KEL: variants seen among roughly 807,000 people sequenced by gnomAD.
The protein encoded by KEL is kell blood group glycoprotein.
A neutral mutation model predicts 99.5 loss-of-function variants in KEL; 96 were observed. The observed-to-expected ratio is 0.97, with a 90% confidence interval of 0.82 to 1.14. The LOEUF (loss-of-function observed/expected upper bound fraction) is 1.14. Among genes scored for constraint, KEL ranks in the 50% most tolerant of loss-of-function variants. The pLI, the probability that KEL is intolerant of heterozygous loss-of-function variation, is 0.00. For missense variants in KEL, 926 were observed against 924.2 expected (o/e 1.00, Z -0.03); for synonymous variants, 355 against 354.8 (o/e 1.00, Z -0.01).
At chr7:142,943,634 C>T (rs747763862) in intron 14 of KEL, 38 bp from the exon 15 acceptor site, 65 of 1,494,842 alleles carry the variant, frequency 4.3e-5, no homozygotes, top group Non-Finnish European at 5.7e-5. Context: ...GCCCCCACCA[C>T]GTATTGCCCT....
At chr7:142,948,528 G>A (rs1018763393) in intron 10 of KEL, among the ~76,000 whole-genome samples, 1 of 152,138 alleles carries the variant, frequency 6.6e-6, no homozygotes, top group Non-Finnish European at 1.5e-5. Flanking sequence ...TAGGGATTAC[G>A]AGCCAACCAG....
chr7:142,949,754 A>G (rs931962863), intron 10 of KEL, among the ~76,000 whole-genome samples: 3 of 152,232 alleles, frequency 2.0e-5, no homozygotes, highest in African/African-American at 7.2e-5. Flanking sequence ...GATACACTGA[A>G]TAAAATTGCA....
rs752599863 is a variant in KEL, at chr7:142,942,455, G to A, written c.2016C>T (p.Ile672=). ...CTACCTGGGCATAGCTTCGAAAGAA[G>A]ATCTGCTGGGGGCTGAGGTCCAGGC... The part of the protein sequence containing the change: ...LPSLDLSPQQ[I]FFRSYAQVMC... The change falls in exon 18 of 19, where the codon ATC becomes ATT. Residue 672 remains isoleucine (I), a synonymous_variant. Transcript: ENST00000355265. 2 of 1,603,712 alleles carry A rather than the reference G, an allele frequency of 1.2e-6. No homozygotes were observed. Among genetic ancestry groups the A allele is most frequent in the South Asian group, 1.1e-5 (1 of 88,994 alleles).
rs775468724 is a variant in KEL, at chr7:142,952,492, C to A, written c.1203+17G>T. The A allele has an allele frequency of 1.9e-6, 3 of 1,613,220 alleles. No individual in the cohort carries two copies. The highest frequency in any genetic ancestry group is 2.5e-6 in the Non-Finnish European group (3 of 1,180,014). On this transcript the variant is annotated intron_variant, in intron 10 of 18. Coordinates refer to ENST00000355265, the MANE Select transcript of KEL (RefSeq NM_000420.3). Reference sequence around the variant, plus strand: ...CCTTTCGAGTATCTGGGCAAATACACCCGCTCCTCTCCTCACCATGGGTGG... The same window carrying A: ...CCTTTCGAGTATCTGGGCAAATACAACCGCTCCTCTCCTCACCATGGGTGG...
chr7:142,947,596 G>C (rs893519365), intron 10 of KEL, among the ~76,000 whole-genome samples: 1 of 152,126 alleles, frequency 6.6e-6, no homozygotes, highest in African/African-American at 2.4e-5. Context: ...TGTGACCCAG[G>C]CTGGAGTGCA....
intron 18 of KEL, 108 bp downstream of exon 18, chr7:142,942,326 G>A (rs1796380614): frequency 1.3e-6 from 1 of 759,366 alleles, no homozygotes; most frequent in Non-Finnish European, 2.3e-6. Flanking sequence ...GCAGAAGAGG[G>A]TTTGGGGTAT....
rs1376435601 is a variant in KEL, at chr7:142,961,099, AG to A, written c.228del (p.Cys77ValfsTer112). The A allele has an allele frequency of 6.2e-7, 1 of 1,613,578 alleles. No homozygotes were observed. The highest frequency in any genetic ancestry group is 8.5e-7 in the Non-Finnish European group (1 of 1,180,048). ...AGATCCAAACACACAGATGTCTCACAGGGGCCTGTGGGGAAAAGCTCAGAGC... is the reference window on the plus strand; with the variant it reads ...AGATCCAAACACACAGATGTCTCACAGGGCCTGTGGGGAAAAGCTCAGAGC... ...FYNFQNCGPR[P>X]CETSVCLDLR... On this transcript the variant is annotated frameshift_variant, in exon 4 of 19. Transcript: ENST00000355265. LOFTEE classifies it high-confidence loss of function.
intron 18 of KEL, among the ~76,000 whole-genome samples, chr7:142,941,870 A>T (rs928752589): frequency 6.7e-6 from 1 of 149,858 alleles, no homozygotes; most frequent in African/African-American, 2.5e-5. Context: ...GTGCAGTGGC[A>T]TGATCTTGGC....
chr7:142,946,840 G>T (rs761284631), intron 10 of KEL, among the ~76,000 whole-genome samples: 6 of 152,218 alleles, frequency 3.9e-5, no homozygotes, highest in Non-Finnish European at 8.8e-5. Context: ...AATTATCAGA[G>T]TAGAACTGGG....
rs61729036 is a variant in KEL at position 142,954,266 on chromosome 7, C to T, written c.842G>A (p.Arg281Gln). 59 of 1,613,874 alleles carry T rather than the reference C, an allele frequency of 3.7e-5. No individual in the cohort carries two copies. The East Asian group carries it at 7.6e-4, about 21-fold the overall frequency. The change falls in exon 8 of 19, where the codon CGG becomes CAG. Residue 281 changes from arginine to glutamine, a missense_variant. By Grantham distance (43) the Arg-to-Gln change is conservative (BLOSUM62 1). Transcript: ENST00000355265. ...CAGGGGCCTCAGAAACTGGAACAGC[C>T]GTGAAGTGATGGAGATTGACAAGGA... ...HSSLSISITS[R>Q]LFQFLRPLEQ...
chr7:142,952,739 G>A, intron 9 of KEL, 101 bp from the exon 10 acceptor site: 2 of 1,332,934 alleles, frequency 1.5e-6, no homozygotes, highest in Non-Finnish European at 2.1e-6. Context: ...CGTGAAGGCA[G>A]CTCCTTCTCC....
intron 11 of KEL, among the ~76,000 whole-genome samples, chr7:142,945,632 C>CTT (rs35052637): frequency 0.092 from 13,311 of 144,838 alleles, 933 homozygotes; most frequent in African/African-American, 0.21. Flanking sequence ...TTCAATTTTC[C>CTT]TTTTTTTTTT....
chr7:142,942,839 A>G, intron 17 of KEL, 36 bp downstream of exon 17: 1 of 1,612,016 alleles, frequency 6.2e-7, no homozygotes, highest in Non-Finnish European at 8.5e-7. Context: ...CTAGTCTGCC[A>G]GTACACATAA....
At position 142,961,956 on chromosome 7, in the gene KEL, A is replaced by G. The variant is rs1267735894; in HGVS notation, c.4-84T>C. On this transcript the variant is annotated intron_variant, in intron 1 of 18. Coordinates refer to ENST00000355265, the MANE Select transcript of KEL (RefSeq NM_000420.3). Reference sequence around the variant, plus strand: ...AAGAGAGTTTTATCAGGCCATTTTGATACCCTCGCTGCCTGCCCTGCCCCC... The same window carrying G: ...AAGAGAGTTTTATCAGGCCATTTTGGTACCCTCGCTGCCTGCCCTGCCCCC... 1.9e-6 allele frequency: 3 copies of G among 1,601,940 alleles called. No homozygotes were observed. In the African/African-American group the frequency reaches 4.0e-5, roughly 21 times the overall value.
At chr7:142,949,178 A>G (rs1172814141) in intron 10 of KEL, among the ~76,000 whole-genome samples, 1 of 152,180 alleles carries the variant, frequency 6.6e-6, no homozygotes, top group African/African-American at 2.4e-5. Flanking sequence ...CCTTCCTCAC[A>G]GGTTTGGGGA....
Position 142,941,193 on chromosome 7 carries a change from G to T in KEL, c.*59C>A. 1 of 1,563,358 alleles carries T rather than the reference G, an allele frequency of 6.4e-7. No individual in the cohort carries two copies. The highest frequency in any genetic ancestry group is 8.8e-7 in the Non-Finnish European group (1 of 1,134,086). ...AAGGAAATCTTGCTCTGATTCCATGGATGTGACCAGGGAGGTGTTGGTCGA... is the reference window on the plus strand; with the variant it reads ...AAGGAAATCTTGCTCTGATTCCATGTATGTGACCAGGGAGGTGTTGGTCGA... On this transcript the variant is annotated 3_prime_UTR_variant, in exon 19 of 19. Transcript: ENST00000355265.
chr7:142,953,339 T>C (rs747827918), intron 9 of KEL: 64 of 982,920 alleles, frequency 6.5e-5, no homozygotes, highest in East Asian at 1.1e-4. Flanking sequence ...ACCTGAGGAA[T>C]GGCCCCTCCT....
At chr7:142,944,433 T>C in intron 12 of KEL, 33 bp from the exon 13 acceptor site, 1 of 1,549,278 alleles carries the variant, frequency 6.5e-7, no homozygotes, top group Non-Finnish European at 8.9e-7. Flanking sequence ...CTAGGAATAC[T>C]CTCCGAGTCT....
At chr7:142,944,534 G>C in intron 12 of KEL, 109 bp downstream of exon 12, 6 of 1,188,454 alleles carry the variant, frequency 5.0e-6, no homozygotes, top group Non-Finnish European at 7.5e-6. Flanking sequence ...TCCCTACTTA[G>C]CATGTGCCTG....
Sources: gnomAD v4.1 joint callset for allele counts (sites outside exome capture counted in the v4.1 genomes callset) on GRCh38, gnomAD v4.1.1 for gene constraint, MANE v1.5 for transcripts, NCBI Gene and HGNC (gene_info 2026-07-23, HGNC 2026-07-21) for gene names.